CHMP1A: variants seen among roughly 807,000 people sequenced by gnomAD.
The protein encoded by CHMP1A is VPS46 homolog A.
In CHMP1A, 17 loss-of-function variants were observed where a neutral mutation model predicts 27.0. The ratio of observed to expected loss-of-function variants is 0.63; its 90% CI spans 0.43 to 0.95. CHMP1A has a LOEUF of 0.95. CHMP1A is among the 40% of genes least tolerant of loss of function. The pLI is 0.00. For synonymous variants in CHMP1A, 131 were observed against 107.5 expected (o/e 1.22, Z -1.35); for missense variants, 275 against 264.0 (o/e 1.04, Z -0.29).
chr16:89,647,305 G>C lies in CHMP1A; in HGVS notation c.279C>G (p.Thr93=). The change falls in exon 5 of 7, where the codon ACC becomes ACG. Residue 93 remains threonine (T), a synonymous_variant. Coordinates refer to ENST00000397901, the MANE Select transcript of CHMP1A (RefSeq NM_002768.5). ...TGCTCAGGGCCTTGTCCAGGGCTTT[G>C]GTCACCTGGGCCATATTCTTGGTCA... ...KGVTKNMAQV[T]KALDKALSTM... is the part of the protein sequence containing the mutation. The C allele has an allele frequency of 6.2e-7, 1 of 1,611,216 alleles. No homozygotes were observed. Among genetic ancestry groups the C allele is most frequent in the Non-Finnish European group, 8.5e-7 (1 of 1,178,186 alleles).
intron 5 of CHMP1A, 121 bp from the exon 6 acceptor site, chr16:89,646,835 G>A: frequency 2.6e-6 from 3 of 1,154,912 alleles, no homozygotes; most frequent in Non-Finnish European, 3.7e-6. Flanking sequence ...TTCTTGCCCT[G>A]TTCTCTCAGT....
chr16:89,653,416 C>G (rs1158205464), intron 2 of CHMP1A, among the ~76,000 whole-genome samples: 3 of 150,104 alleles, frequency 2.0e-5, no homozygotes, highest in Non-Finnish European at 3.0e-5. Flanking sequence ...GTGAAGAGAT[C>G]GAGACCATCC....
chr16:89,647,606 A>AG (rs1568000358), intron 4 of CHMP1A, among the ~76,000 whole-genome samples: 12 of 104,458 alleles, frequency 1.1e-4, no homozygotes, highest in South Asian at 3.2e-4. Flanking sequence ...GCCGACGTGG[A>AG]GACCCAGTGC....
intron 6 of CHMP1A, 91 bp downstream of exon 6, chr16:89,646,436 C>T: frequency 7.4e-7 from 1 of 1,346,696 alleles, no homozygotes; most frequent in Non-Finnish European, 1.0e-6. Context: ...AGCCCAAGCT[C>T]TCCTCCAGCC....
chr16:89,649,240 G>A lies in CHMP1A; in HGVS notation c.252+111C>T, dbSNP rs2437957. 440,546 of 1,080,652 alleles carry A rather than the reference G, an allele frequency of 0.41. 103,256 individuals carry two copies. The highest frequency in any genetic ancestry group is 0.58 in the Middle Eastern group (1,763 of 3,056). 66.9% of individuals were successfully genotyped at this position (1,080,652 alleles called of 1,614,324 possible). On this transcript the variant is annotated intron_variant, in intron 4 of 6. Transcript: ENST00000397901. ...CAGCTTCCCTCAACCTCCCCACCCC[G>A]CGCTGATCCACCTTCCGTCAACTCT...
In CHMP1A at chr16:89,647,247, C is replaced by T; in HGVS notation, c.337G>A (p.Asp113Asn). Residue 113 changes from aspartate to asparagine, a missense_variant, in exon 5 of 7, where the codon GAC becomes AAC. By Grantham distance (23) the Asp-to-Asn change is conservative. Transcript: ENST00000397901. ...MDLQKVSSVM[D>N]RFEQQVQNLD... ...TTCTGCACCTGCTGCTCGAACCTGT[C>T]CATCACTGAGGAGACCTTCTGCAGG... 1.2e-6 allele frequency: 2 copies of T among 1,610,216 alleles called. No individual in the cohort carries two copies. The highest frequency in any genetic ancestry group is 1.7e-6 in the Non-Finnish European group (2 of 1,178,536).
intron 3 of CHMP1A, among the ~76,000 whole-genome samples, chr16:89,651,195 T>G (rs1208405585): frequency 6.6e-6 from 1 of 151,938 alleles, no homozygotes; most frequent in African/African-American, 2.4e-5. Flanking sequence ...CTGGCCAACA[T>G]GGCGAAACCC....
chr16:89,645,684 C>T lies in CHMP1A; in HGVS notation c.*382G>A. On this transcript the variant is annotated 3_prime_UTR_variant, in exon 7 of 7. Coordinates refer to ENST00000397901, the MANE Select transcript of CHMP1A (RefSeq NM_002768.5). ...CCGCTGAGGTGGTGCGGAGAGGCCT[C>T]AGGGAGTTGTTTGGCAACAGGGCAG... 5.4e-6 allele frequency: 2 copies of T among 368,964 alleles called. No individual in the cohort carries two copies. The highest frequency in any genetic ancestry group is 8.4e-5 in the East Asian group (1 of 11,976). 22.9% of individuals were successfully genotyped at this position (368,964 alleles called of 1,614,324 possible).
intron 5 of CHMP1A, 93 bp from the exon 6 acceptor site, chr16:89,646,807 C>T (rs1426529731): frequency 2.2e-6 from 3 of 1,347,792 alleles, no homozygotes; most frequent in Non-Finnish European, 3.1e-6. Flanking sequence ...TTTTCGTTCC[C>T]TCACACAGCC....
At chr16:89,648,651 G>T (rs2059799578) in intron 4 of CHMP1A, among the ~76,000 whole-genome samples, 1 of 152,198 alleles carries the variant, frequency 6.6e-6, no homozygotes, top group Non-Finnish European at 1.5e-5. Context: ...AGCACTTTGG[G>T]AGGCCGAGGT....
chr16:89,653,417 G>A (rs577547686), intron 2 of CHMP1A, among the ~76,000 whole-genome samples: 4 of 150,214 alleles, frequency 2.7e-5, no homozygotes, highest in East Asian at 2.0e-4. Flanking sequence ...TGAAGAGATC[G>A]AGACCATCCT....
chr16:89,648,615 A>G (rs1393171091), intron 4 of CHMP1A, among the ~76,000 whole-genome samples: 3 of 152,162 alleles, frequency 2.0e-5, no homozygotes, highest in Non-Finnish European at 2.9e-5. Context: ...GTACAGTGAC[A>G]GTGAGTGGTT....
At chr16:89,652,905 C>T (rs1241157338) in intron 2 of CHMP1A, among the ~76,000 whole-genome samples, 2 of 152,204 alleles carry the variant, frequency 1.3e-5, no homozygotes, top group African/African-American at 4.8e-5. Flanking sequence ...CTGCAACCTC[C>T]ACCCCACGTG....
intron 1 of CHMP1A, 87 bp downstream of exon 1, chr16:89,657,495 C>T (rs1227221823): frequency 3.2e-6 from 5 of 1,538,762 alleles, no homozygotes; most frequent in South Asian, 1.2e-5. Flanking sequence ...GTCCTGCCCG[C>T]GGCCCCAGGT....
At chr16:89,654,714 C>T (rs1288829935) in intron 1 of CHMP1A, among the ~76,000 whole-genome samples, 3 of 152,058 alleles carry the variant, frequency 2.0e-5, no homozygotes, top group African/African-American at 7.2e-5. Context: ...AGGCCGAGGC[C>T]GGCGGAACAT....
chr16:89,644,648 C>T lies in CHMP1A; in HGVS notation c.*1418G>A, dbSNP rs1337833683. On this transcript the variant is annotated 3_prime_UTR_variant, in exon 7 of 7. Transcript: ENST00000397901. ...ATTTTGGGGAGGCTGGAGGGAACCACGTCTAGGACCTACCAACACTAGCCC... is the reference window on the plus strand; with the variant it reads ...ATTTTGGGGAGGCTGGAGGGAACCATGTCTAGGACCTACCAACACTAGCCC... 6.6e-6 allele frequency: 1 copy of T among 152,284 alleles called. No homozygotes were observed. The highest frequency in any genetic ancestry group is 1.9e-4 in the East Asian group (1 of 5,186). The allele number at this position is 152,284 out of a possible 1,614,324, so 9.4% of individuals were successfully genotyped here. A position where few individuals can be genotyped will look rare whatever the true frequency, so the allele number is the denominator to read the frequency against.
At position 89,647,289 on chromosome 16, in the gene CHMP1A, C is replaced by A; in HGVS notation, c.295G>T (p.Ala99Ser). ...MAQVTKALDK[A>S]LSTMDLQKVS... is the part of the protein sequence containing the mutation. ...TTCTGCAGGTCCATGGTGCTCAGGG[C>A]CTTGTCCAGGGCTTTGGTCACCTGG... is the stretch of plus-strand genomic sequence containing the variant. The change falls in exon 5 of 7, where the codon GCC becomes TCC. Residue 99 changes from alanine to serine, a missense_variant. Ala to Ser is a moderately conservative substitution (Grantham distance 99, BLOSUM62 1). Coordinates refer to ENST00000397901, the MANE Select transcript of CHMP1A (RefSeq NM_002768.5). The A allele has an allele frequency of 6.2e-7, 1 of 1,612,108 alleles. No individual in the cohort carries two copies. The highest frequency in any genetic ancestry group is 8.5e-7 in the Non-Finnish European group (1 of 1,179,130).
At chr16:89,647,478 T>C in intron 4 of CHMP1A, 147 bp from the exon 5 acceptor site, 1 of 708,620 alleles carries the variant, frequency 1.4e-6, no homozygotes, top group Non-Finnish European at 2.3e-6. Flanking sequence ...AGCCATCATC[T>C]GGGTCCTATG....
intron 2 of CHMP1A, among the ~76,000 whole-genome samples, chr16:89,653,622 CAAAAAA>C (rs5818724): frequency 1.4e-3 from 73 of 51,518 alleles, no homozygotes; most frequent in African/African-American, 5.2e-3. Flanking sequence ...GACGCCGTCT[CAAAAAA>C]AAAAAAAAAA....
Sources: allele counts gnomAD v4.1 joint callset (sites outside exome capture counted in the v4.1 genomes callset), GRCh38; gene constraint gnomAD v4.1.1; transcripts MANE v1.5; gene names NCBI Gene and HGNC (gene_info 2026-07-23, HGNC 2026-07-21).